ZNF469: variants seen among roughly 807,000 people sequenced by gnomAD.
ZNF469 encodes the protein zinc finger protein 469.
A neutral mutation model predicts 1.0 loss-of-function variants in ZNF469; 1 was observed. The ratio of observed to expected loss-of-function variants is 1.00; its 90% CI spans 0.35 to 4.73. The LOEUF (loss-of-function observed/expected upper bound fraction) is 4.73. Ranked by LOEUF, ZNF469 falls within the 30% of genes most tolerant of loss-of-function variation. The pLI is 0.16. For missense variants in ZNF469, 6,100 were observed against 5,356.3 expected, an observed-to-expected ratio of 1.14 and a Z score of -4.33; for synonymous variants, 2,703 against 2,363.4, an observed-to-expected ratio of 1.14 and a Z score of -4.17.
rs1478166823 is a variant in ZNF469 at position 88,430,876 on chromosome 16, C to G, written c.3406C>G (p.Gln1136Glu). 1 of 1,537,526 alleles carries G rather than the reference C, an allele frequency of 6.5e-7. No individual in the cohort carries two copies. Among genetic ancestry groups the G allele is most frequent in the Non-Finnish European group, 8.7e-7 (1 of 1,146,124 alleles). Residue 1136 changes from glutamine (Q) to glutamate (E), a missense_variant, in exon 3 of 3, where the codon CAG (glutamine) becomes GAG (glutamate). By Grantham distance (29) the Gln-to-Glu change is conservative (BLOSUM62 2). Transcript: ENST00000565624. Reference protein sequence around the residue: ...LTQGPREDEPQKPRKAARQEA... With the variant: ...LTQGPREDEPEKPRKAARQEA... ...CCAGGGTCCCAGAGAGGATGAGCCACAGAAACCCCGGAAGGCGGCGAGGCA... is the reference window on the plus strand; with the variant it reads ...CCAGGGTCCCAGAGAGGATGAGCCAGAGAAACCCCGGAAGGCGGCGAGGCA...
chr16:88,353,630 G>A, the ZNF469 span, among the ~76,000 whole-genome samples: 9 of 152,354 alleles, frequency 5.9e-5, no homozygotes, highest in African/African-American at 2.2e-4. Context: ...ATGCGCGCGT[G>A]TCGTGGTGAA....
At chr16:88,387,524 C>T (rs560513766) in intron 1 of ZNF469, among the ~76,000 whole-genome samples, 1 of 152,348 alleles carries the variant, frequency 6.6e-6, no homozygotes, top group East Asian at 1.9e-4. Context: ...AGCGACAACG[C>T]TGGGGGCGGC....
chr16:88,133,252 T>G, the ZNF469 span, among the ~76,000 whole-genome samples: 1 of 152,248 alleles, frequency 6.6e-6, no homozygotes, highest in Non-Finnish European at 1.5e-5. Flanking sequence ...GGCCTAAGAA[T>G]AAAGGGTTAC....
chr16:88,386,438 C>T (rs1160922032), intron 1 of ZNF469, among the ~76,000 whole-genome samples: 3 of 152,300 alleles, frequency 2.0e-5, no homozygotes, highest in Non-Finnish European at 4.4e-5. Context: ...CACCCCCACC[C>T]TCGTGGGAAC....
chr16:88,436,687 C>A lies in ZNF469; in HGVS notation c.9217C>A (p.Pro3073Thr). 1 of 1,550,270 alleles carries A rather than the reference C, an allele frequency of 6.5e-7. No individual in the cohort carries two copies. Among genetic ancestry groups the A allele is most frequent in the Non-Finnish European group, 8.7e-7 (1 of 1,146,892 alleles). ...TGAAGACCCCGTGGGTCTCCCCGGC[C>A]CCAGCTTCTTAGACTTCGAGGGCAC... ...PFEDPVGLPG[P>T]SFLDFEGTAS... The change falls in exon 3 of 3, where the codon CCC becomes ACC. Residue 3073 changes from proline (P) to threonine (T), a missense_variant. By Grantham distance (38) the Pro-to-Thr change is conservative (BLOSUM62 -1). Coordinates refer to ENST00000565624, the MANE Select transcript of ZNF469 (RefSeq NM_001367624.2).
At chr16:88,114,908 G>A in the ZNF469 span, among the ~76,000 whole-genome samples, 6 of 152,354 alleles carry the variant, frequency 3.9e-5, no homozygotes, top group South Asian at 1.0e-3. Flanking sequence ...AGGCCAGGGC[G>A]AAAATGTCTT....
the ZNF469 span, among the ~76,000 whole-genome samples, chr16:88,333,984 A>C: frequency 3.2e-4 from 46 of 142,582 alleles, no homozygotes; most frequent in African/African-American, 9.5e-4. Flanking sequence ...ATCTGTGTGT[A>C]TCTGTGTGTG....
the ZNF469 span, among the ~76,000 whole-genome samples, chr16:88,243,952 AAATG>A: frequency 8.3e-6 from 1 of 121,202 alleles, no homozygotes; most frequent in Non-Finnish European, 1.7e-5. Context: ...ATATATATAT[AAATG>A]TATGTGTGGA....
At chr16:88,364,576 G>A in the ZNF469 span, among the ~76,000 whole-genome samples, 1 of 149,340 alleles carries the variant, frequency 6.7e-6, no homozygotes, top group African/African-American at 2.5e-5. Context: ...AAGAATCAAC[G>A]TCTTTCCATT....
chr16:88,373,157 T>A, the ZNF469 span, among the ~76,000 whole-genome samples: 1 of 152,242 alleles, frequency 6.6e-6, no homozygotes, highest in African/African-American at 2.4e-5. Flanking sequence ...TTTTGTCACC[T>A]CTGTTTTTCA....
chr16:88,165,584 G>T, the ZNF469 span, among the ~76,000 whole-genome samples: 1 of 152,188 alleles, frequency 6.6e-6, no homozygotes, highest in South Asian at 2.1e-4. Flanking sequence ...GTGGGCCAGG[G>T]CTTCAGCACG....
the ZNF469 span, among the ~76,000 whole-genome samples, chr16:88,279,035 A>T: frequency 8.0e-6 from 1 of 124,784 alleles, no homozygotes; most frequent in Non-Finnish European, 1.7e-5. Context: ...GTACCACGCC[A>T]ACGCTCAGTC....
the ZNF469 span, among the ~76,000 whole-genome samples, chr16:88,332,791 C>G: frequency 6.6e-6 from 1 of 152,238 alleles, no homozygotes; most frequent in African/African-American, 2.4e-5. Flanking sequence ...CCTGCAAACC[C>G]TTCCCACAAG....
chr16:88,429,623 C>T lies in ZNF469; in HGVS notation c.2153C>T (p.Ser718Phe). The change falls in exon 3 of 3, where the codon TCC (serine) becomes TTC (phenylalanine). Residue 718 changes from serine to phenylalanine, a missense_variant. By Grantham distance (155) the Ser-to-Phe change is radical. Transcript: ENST00000565624. Reference protein sequence around the residue: ...APPPYPTHHFSLSSASLDQLD... With the variant: ...APPPYPTHHFFLSSASLDQLD... ...CCTCCGTACCCCACACACCACTTCT[C>T]CCTCAGCAGCGCCAGCCTGGACCAG... 1 of 1,545,784 alleles carries T rather than the reference C, an allele frequency of 6.5e-7. No homozygotes were observed. Among genetic ancestry groups the T allele is most frequent in the South Asian group, 1.2e-5 (1 of 83,726 alleles).
chr16:88,179,280 C>G, the ZNF469 span, among the ~76,000 whole-genome samples: 2 of 152,332 alleles, frequency 1.3e-5, no homozygotes, highest in African/African-American at 4.8e-5. Flanking sequence ...CCGACCCCAC[C>G]TGGCAGTCAT....
In ZNF469 at chr16:88,436,022, G is replaced by A. The variant is rs1906546291; in HGVS notation, c.8552G>A (p.Ser2851Asn). Residue 2851 changes from serine (S) to asparagine (N), a missense_variant, in exon 3 of 3, where the codon AGC becomes AAC. Physicochemically the swap from Ser to Asn is conservative, Grantham distance 46. Transcript: ENST00000565624. ...GGCTCCAGTGCCAAGGATCCTCCAA[G>A]CTTGTTTGATGATGAGGTCTCTTTC... ...ASGSSAKDPP[S>N]LFDDEVSFSQ... is the part of the protein sequence containing the mutation. 6.5e-7 allele frequency: 1 copy of A among 1,550,186 alleles called. No individual in the cohort carries two copies. Among genetic ancestry groups the A allele is most frequent in the African/African-American group, 1.4e-5 (1 of 73,070 alleles).
At chr16:88,235,636 G>C in the ZNF469 span, among the ~76,000 whole-genome samples, 1 of 152,228 alleles carries the variant, frequency 6.6e-6, no homozygotes, top group South Asian at 2.1e-4. Context: ...TAGCATCTTG[G>C]AGGTCAACGT....
chr16:88,170,621 T>G, the ZNF469 span, among the ~76,000 whole-genome samples: 3,721 of 152,242 alleles, frequency 0.024, 140 homozygotes, highest in African/African-American at 0.086. This position sits in a 1 kb window ranked among gnomAD's most constrained non-coding sequence, Gnocchi z 4.2. Context: ...GACGGCCTTC[T>G]TTTTAAAGGC....
chr16:88,338,291 A>G, the ZNF469 span, among the ~76,000 whole-genome samples: 1 of 151,536 alleles, frequency 6.6e-6, no homozygotes, highest in Admixed American at 6.5e-5. Context: ...GGTGGTCCTG[A>G]GCTGGGTCCA....
Sources: allele counts gnomAD v4.1 joint callset (sites outside exome capture counted in the v4.1 genomes callset), GRCh38; gene constraint gnomAD v4.1.1; non-coding constraint Gnocchi (gnomAD v3.1); transcripts MANE v1.5; gene names NCBI Gene and HGNC (gene_info 2026-07-23, HGNC 2026-07-21).